The following RSL24D1 variants were observed in gnomAD, a reference collection of about 807,000 sequenced individuals.
RSL24D1 encodes the protein probable ribosome biogenesis protein RLP24.
RSL24D1 carries 6 observed loss-of-function variants against 26.2 expected under a neutral mutation model. That is an observed-to-expected ratio of 0.23 (90% CI 0.13 to 0.45). RSL24D1 has a LOEUF of 0.45. Among genes scored for constraint, RSL24D1 ranks in the 20% least tolerant of loss-of-function variants. RSL24D1 has a pLI of 0.99. For missense variants in RSL24D1, 176 were observed against 202.6 expected, an observed-to-expected ratio of 0.87 and a Z score of 0.80; for synonymous variants, 61 against 59.1, an observed-to-expected ratio of 1.03 and a Z score of -0.15.
rs1894173248 is a variant in RSL24D1, at chr15:55,182,065, C to T, written c.*87G>A. ...TTTAATCGCTTTTCATTTAAGTGAC[C>T]TTATGTAAAAAATAAAATAATTTAG... On this transcript the variant is annotated 3_prime_UTR_variant, in exon 6 of 6. Coordinates refer to ENST00000260443, the MANE Select transcript of RSL24D1 (RefSeq NM_016304.3). 1.3e-6 allele frequency: 1 copy of T among 777,528 alleles called. No individual in the cohort carries two copies. Among genetic ancestry groups the T allele is most frequent in the Non-Finnish European group, 2.2e-6 (1 of 455,700 alleles). 48.2% of individuals were successfully genotyped at this position (777,528 alleles called of 1,614,324 possible). A position where few individuals can be genotyped will look rare whatever the true frequency, so the allele number is the denominator to read the frequency against.
chr15:55,193,382 A>G (rs1894320431), intron 1 of RSL24D1, among the ~76,000 whole-genome samples: 1 of 152,182 alleles, frequency 6.6e-6, no homozygotes, highest in Non-Finnish European at 1.5e-5. Context: ...TAATAGTGCT[A>G]ACTTACAACT....
In RSL24D1 at chr15:55,181,343, C is replaced by A. The variant is rs1595649664; in HGVS notation, c.*809G>T. On this transcript the variant is annotated 3_prime_UTR_variant, in exon 6 of 6. Coordinates refer to ENST00000260443, the MANE Select transcript of RSL24D1 (RefSeq NM_016304.3). ...TTTTTAAATGGTTTTATTTTATGTACAAATAATGAACATACGTTGTACCCA... is the reference window on the plus strand; with the variant it reads ...TTTTTAAATGGTTTTATTTTATGTAAAAATAATGAACATACGTTGTACCCA... The A allele has an allele frequency of 6.6e-6, 1 of 152,632 alleles. No individual in the cohort carries two copies. The highest frequency in any genetic ancestry group is 2.1e-4 in the South Asian group (1 of 4,828). The allele number at this position is 152,632 out of a possible 1,614,324, so 9.5% of individuals were successfully genotyped here. A position where few individuals can be genotyped will look rare whatever the true frequency, so the allele number is the denominator to read the frequency against.
At chr15:55,182,653 T>A (rs186905144) in intron 5 of RSL24D1, among the ~76,000 whole-genome samples, 79 of 152,318 alleles carry the variant, frequency 5.2e-4, no homozygotes, top group African/African-American at 1.6e-3. Context: ...TTTTTGACTA[T>A]CAGTTTGTTA....
At chr15:55,192,203 G>A (rs1313873904) in intron 2 of RSL24D1, among the ~76,000 whole-genome samples, 1 of 152,160 alleles carries the variant, frequency 6.6e-6, no homozygotes, top group African/African-American at 2.4e-5. Flanking sequence ...TGCAGGGACT[G>A]AACGTGGACA....
intron 3 of RSL24D1, among the ~76,000 whole-genome samples, chr15:55,188,735 A>C (rs8034402): frequency 6.6e-6 from 1 of 152,190 alleles, no homozygotes; most frequent in East Asian, 1.9e-4. Context: ...GATTATTCAC[A>C]TATCGCTAAA....
chr15:55,196,725 G>T, intron 1 of RSL24D1, 85 bp downstream of exon 1: 2 of 1,328,374 alleles, frequency 1.5e-6, no homozygotes, highest in Non-Finnish European at 1.1e-6. Flanking sequence ...AAACACGGCA[G>T]ACGCAGAAGC....
At chr15:55,196,446 A>G (rs191413111) in intron 1 of RSL24D1, 1 of 504,290 alleles carries the variant, frequency 2.0e-6, no homozygotes, top group Non-Finnish European at 3.9e-6. Flanking sequence ...GTAATGCCTG[A>G]CAGGGTATAC....
intron 1 of RSL24D1, chr15:55,196,410 C>T: frequency 2.1e-6 from 1 of 471,132 alleles, no homozygotes; most frequent in Middle Eastern, 3.2e-4. Flanking sequence ...TTCCATCAAC[C>T]TCTACACTTT....
intron 1 of RSL24D1, among the ~76,000 whole-genome samples, chr15:55,194,803 T>TACACACACACACAC (rs143219738): frequency 6.8e-6 from 1 of 147,010 alleles, no homozygotes; most frequent in African/African-American, 2.5e-5. Context: ...CCTCTGTCTC[T>TACACACACACACAC]ACACACACAC....
intron 2 of RSL24D1, 93 bp downstream of exon 2, chr15:55,192,627 A>C (rs2140596683): frequency 1.3e-6 from 1 of 792,982 alleles, no homozygotes; most frequent in Non-Finnish European, 2.2e-6. Context: ...ATGTTATAGG[A>C]GGCCTTGTTA....
chr15:55,183,207 A>G, intron 5 of RSL24D1, 108 bp downstream of exon 5: 3 of 733,458 alleles, frequency 4.1e-6, no homozygotes, highest in South Asian at 2.0e-5. Flanking sequence ...GCCAAATCAT[A>G]TCATAAATTT....
At chr15:55,187,276 TTTTC>T (rs1198651659) in intron 3 of RSL24D1, among the ~76,000 whole-genome samples, 2 of 152,222 alleles carry the variant, frequency 1.3e-5, no homozygotes, top group Non-Finnish European at 2.9e-5. Context: ...ATATAACTTT[TTTTC>T]TTTGTCTTTC....
chr15:55,192,443 C>T (rs2140596573), intron 2 of RSL24D1: 1 of 290,942 alleles, frequency 3.4e-6, no homozygotes, highest in Admixed American at 5.0e-5. Context: ...TATCTCTTAA[C>T]TTCATCTCAA....
chr15:55,192,585 A>G, intron 2 of RSL24D1, 135 bp downstream of exon 2: 1 of 543,402 alleles, frequency 1.8e-6, no homozygotes, highest in Admixed American at 3.5e-5. Flanking sequence ...GATTATTTCC[A>G]CAGCCAAATA....
chr15:55,187,119 C>T (rs1894232910), intron 3 of RSL24D1, among the ~76,000 whole-genome samples: 1 of 152,128 alleles, frequency 6.6e-6, no homozygotes, highest in South Asian at 2.1e-4. Flanking sequence ...CACAAACCTA[C>T]TATATCTGAA....
intron 4 of RSL24D1, among the ~76,000 whole-genome samples, chr15:55,184,657 A>G (rs1894204820): frequency 6.6e-6 from 1 of 152,182 alleles, no homozygotes; most frequent in Non-Finnish European, 1.5e-5. Flanking sequence ...ATACGTACTG[A>G]TTATAAGGAA....
At chr15:55,183,217 T>A in intron 5 of RSL24D1, 98 bp downstream of exon 5, 1 of 791,614 alleles carries the variant, frequency 1.3e-6, no homozygotes. Flanking sequence ...ATCATAAATT[T>A]ACTATGAAAG....
At chr15:55,185,589 C>T (rs1894216296) in intron 3 of RSL24D1, among the ~76,000 whole-genome samples, 164 bp from the exon 4 acceptor site, 1 of 152,154 alleles carries the variant, frequency 6.6e-6, no homozygotes, top group Non-Finnish European at 1.5e-5. Context: ...AAGGTGTATA[C>T]TCCTGGCCAT....
At chr15:55,193,749 G>C (rs1200528272) in intron 1 of RSL24D1, among the ~76,000 whole-genome samples, 1 of 152,136 alleles carries the variant, frequency 6.6e-6, no homozygotes, top group African/African-American at 2.4e-5. Flanking sequence ...AGTTTTCTTA[G>C]AAACTGTTGC....
Sources: gnomAD v4.1 joint callset for allele counts (sites outside exome capture counted in the v4.1 genomes callset) on GRCh38, gnomAD v4.1.1 for gene constraint, MANE v1.5 for transcripts, NCBI Gene and HGNC (gene_info 2026-07-23, HGNC 2026-07-21) for gene names.